Variants in NEU3 observed in about 807,000 individuals in gnomAD.
The protein encoded by NEU3 is neuraminidase 3, also known as sialidase-3.
NEU3 carries 10 observed loss-of-function variants against 11.4 expected under a neutral mutation model. The observed-to-expected ratio is 0.88, with a 90% CI of 0.54 to 1.49. The LOEUF (loss-of-function observed/expected upper bound fraction) is 1.49. NEU3 is among the 40% of genes most tolerant of loss of function. The pLI is 0.00. For synonymous variants in NEU3, 212 were observed against 228.2 expected (o/e 0.93, Z 0.64); for missense variants, 529 against 581.8 (o/e 0.91, Z 0.93).
At position 75,009,333 on chromosome 11, in the gene NEU3, T is replaced by C. The variant is rs1273312366; in HGVS notation, c.*2841T>C. 6.6e-6 allele frequency: 1 copy of C among 152,202 alleles called. No homozygotes were observed. Among genetic ancestry groups the C allele is most frequent in the Non-Finnish European group, 1.5e-5 (1 of 68,074 alleles). 9.4% of individuals were successfully genotyped at this position (152,202 alleles called of 1,614,324 possible). ...AGAGAGACCTGCACAGGCCGGCACT[T>C]AGCTTGTGGAGAAGGTCCTAACTCA... On this transcript the variant is annotated 3_prime_UTR_variant, in exon 3 of 3. Transcript: ENST00000294064.
downstream of NEU3, among the ~76,000 whole-genome samples, chr11:75,012,126 AT>A (rs1166132865): frequency 6.6e-6 from 1 of 152,168 alleles, no homozygotes; most frequent in African/African-American, 2.4e-5. Flanking sequence ...GTCTGCATGC[AT>A]TTACAGCCAT....
intron 2 of NEU3, chr11:75,004,546 T>C (rs915811082): frequency 6.7e-6 from 3 of 449,732 alleles, no homozygotes; most frequent in Admixed American, 4.0e-5. Context: ...TACTATTGTT[T>C]TGAAAATATG....
upstream of NEU3, among the ~76,000 whole-genome samples, chr11:74,985,927 TCAAA>T (rs1948663511): frequency 1.3e-5 from 2 of 152,226 alleles, no homozygotes; most frequent in Admixed American, 1.3e-4. Context: ...CATACTGCAA[TCAAA>T]CAGTCTACAT....
At chr11:74,989,186 C>T in intron 1 of NEU3, 32 bp downstream of exon 1, 3 of 1,508,428 alleles carry the variant, frequency 2.0e-6, no homozygotes, top group East Asian at 2.5e-5. Flanking sequence ...GAGAGCTCCC[C>T]GAGGAGGACT....
chr11:74,984,373 G>A (rs1948654587), upstream of NEU3, among the ~76,000 whole-genome samples: 3 of 152,164 alleles, frequency 2.0e-5, no homozygotes, highest in Non-Finnish European at 1.5e-5. Context: ...TTCATTACAT[G>A]TGCAGGTATC....
At chr11:74,981,760 T>C in the NEU3 span, among the ~76,000 whole-genome samples, 2 of 152,140 alleles carry the variant, frequency 1.3e-5, no homozygotes, top group African/African-American at 4.8e-5. Context: ...CTGACCAACA[T>C]GGTTTTCTAG....
At chr11:74,988,487 T>C (rs1948691980), upstream of NEU3, 1 of 153,018 alleles carries the variant, frequency 6.5e-6, no homozygotes, top group Admixed American at 6.5e-5. Flanking sequence ...TGTAAATGTG[T>C]GTATATACAC....
chr11:74,986,623 T>C (rs778665715), upstream of NEU3, among the ~76,000 whole-genome samples: 45 of 152,350 alleles, frequency 3.0e-4, no homozygotes, highest in Non-Finnish European at 6.0e-4. Context: ...CTCTGTTGTA[T>C]CCCTGCATAT....
At chr11:75,019,038 T>G (rs1197197126), downstream of NEU3, 1 of 152,302 alleles carries the variant, frequency 6.6e-6, no homozygotes, top group African/African-American at 2.4e-5. Context: ...TGCAGAACTT[T>G]GAACTTGAGA....
At chr11:74,996,266 A>T (rs192862793) in intron 2 of NEU3, among the ~76,000 whole-genome samples, 1 of 152,308 alleles carries the variant, frequency 6.6e-6, no homozygotes, top group East Asian at 1.9e-4. Flanking sequence ...CATTTTTCCC[A>T]TAGTAGAACT....
intron 2 of NEU3, among the ~76,000 whole-genome samples, chr11:74,999,090 A>T (rs1008113658): frequency 6.6e-6 from 1 of 152,208 alleles, no homozygotes; most frequent in Non-Finnish European, 1.5e-5. Flanking sequence ...CTACGACTAC[A>T]GGTGTACACC....
chr11:75,000,809 A>T (rs1222252932), intron 2 of NEU3, among the ~76,000 whole-genome samples: 1 of 149,738 alleles, frequency 6.7e-6, no homozygotes, highest in Non-Finnish European at 1.5e-5. Context: ...TTATTTATTT[A>T]TTTATTTATT....
intron 2 of NEU3, among the ~76,000 whole-genome samples, chr11:75,001,136 T>C (rs1948840386): frequency 6.6e-6 from 1 of 152,188 alleles, no homozygotes; most frequent in South Asian, 2.1e-4. Context: ...TTCTGGTGTG[T>C]GTGTGTGGTA....
At chr11:75,015,619 G>A (rs1462888310), downstream of NEU3, among the ~76,000 whole-genome samples, 1 of 152,110 alleles carries the variant, frequency 6.6e-6, no homozygotes, top group African/African-American at 2.4e-5. Flanking sequence ...CAGGTGCACA[G>A]ACCACTCTTG....
At chr11:75,018,594 C>T (rs552717555) in intron 3 of NEU3, 1 of 152,310 alleles carries the variant, frequency 6.6e-6, no homozygotes, top group Admixed American at 6.5e-5. Context: ...TTCCTTGCTC[C>T]CCAGCTTGCA....
chr11:74,989,390 A>C (rs1324400849), intron 1 of NEU3, among the ~76,000 whole-genome samples: 1 of 152,180 alleles, frequency 6.6e-6, no homozygotes, highest in Non-Finnish European at 1.5e-5. Context: ...GGGAACTGAG[A>C]CTGGAAAAGC....
chr11:74,981,877 C>A, the NEU3 span, among the ~76,000 whole-genome samples: 1 of 152,022 alleles, frequency 6.6e-6, no homozygotes, highest in South Asian at 2.1e-4. Flanking sequence ...AGGAAAGAGT[C>A]CTGAGAAAAG....
intron 3 of NEU3, among the ~76,000 whole-genome samples, chr11:75,018,075 A>G (rs1252350755): frequency 1.3e-5 from 2 of 151,522 alleles, no homozygotes; most frequent in African/African-American, 4.9e-5. Flanking sequence ...CTCCCCACCC[A>G]CCCACTGCCT....
chr11:74,987,730 G>A (rs998232367), upstream of NEU3, among the ~76,000 whole-genome samples: 5 of 151,900 alleles, frequency 3.3e-5, no homozygotes, highest in Admixed American at 6.6e-5. Flanking sequence ...GGAGAATGGC[G>A]TGAACCCGGG....
Sources: allele counts gnomAD v4.1 joint callset (sites outside exome capture counted in the v4.1 genomes callset), GRCh38; gene constraint gnomAD v4.1.1; transcripts MANE v1.5; gene names NCBI Gene and HGNC (gene_info 2026-07-23, HGNC 2026-07-21).